E2F3: variants seen among roughly 807,000 people sequenced by gnomAD.
E2F3 encodes E2F transcription factor 3.
Under a neutral mutation model 44.4 loss-of-function variants are expected in E2F3, and 11 were observed. That is an observed-to-expected ratio of 0.25 (90% CI 0.16 to 0.41). E2F3 has a LOEUF of 0.41. E2F3 is among the 10% of genes least tolerant of loss of function. E2F3 has a pLI of 1.00. For missense variants in E2F3, 487 were observed against 583.6 expected, an observed-to-expected ratio of 0.83 and a Z score of 1.70; for synonymous variants, 249 against 253.0, an observed-to-expected ratio of 0.98 and a Z score of 0.15.
At chr6:20,465,684 G>C (rs1475139216) in intron 1 of E2F3, among the ~76,000 whole-genome samples, 1 of 152,176 alleles carries the variant, frequency 6.6e-6, no homozygotes, top group Admixed American at 6.5e-5. Context: ...CCACCTATGA[G>C]TGAGAACATA....
At chr6:20,436,228 G>A (rs771787315) in intron 1 of E2F3, among the ~76,000 whole-genome samples, 161 of 152,092 alleles carry the variant, frequency 1.1e-3, no homozygotes, top group Non-Finnish European at 1.8e-3. Context: ...TGATCCACCT[G>A]CCTCGGCCTC....
intron 1 of E2F3, among the ~76,000 whole-genome samples, chr6:20,444,347 C>T (rs1188623985): frequency 2.0e-5 from 3 of 152,158 alleles, no homozygotes; most frequent in Non-Finnish European, 4.4e-5. Flanking sequence ...ATTAGCTACT[C>T]ATGATTCGCA....
At chr6:20,466,202 T>C (rs188021619) in intron 1 of E2F3, among the ~76,000 whole-genome samples, 91 of 152,164 alleles carry the variant, frequency 6.0e-4, no homozygotes, top group African/African-American at 2.0e-3. Flanking sequence ...AATCTCCACC[T>C]CCTAGGTTCA....
chr6:20,446,682 C>CA (rs1760956245), intron 1 of E2F3, among the ~76,000 whole-genome samples: 2 of 152,220 alleles, frequency 1.3e-5, no homozygotes, highest in Admixed American at 1.3e-4. Context: ...TCTCCTGCCT[C>CA]AGCCTCCCGA....
intron 1 of E2F3, among the ~76,000 whole-genome samples, chr6:20,413,366 G>A (rs1759738021): frequency 6.6e-6 from 1 of 152,190 alleles, no homozygotes; most frequent in Admixed American, 6.5e-5. Flanking sequence ...AAACTAGATT[G>A]TCCAGGTGAA....
chr6:20,471,516 G>T (rs150631300), intron 1 of E2F3, among the ~76,000 whole-genome samples: 4 of 152,174 alleles, frequency 2.6e-5, no homozygotes, highest in Non-Finnish European at 5.9e-5. Context: ...AGGAGGCAGA[G>T]GTTGCAGTGA....
intron 1 of E2F3, among the ~76,000 whole-genome samples, chr6:20,470,122 C>T (rs1761842052): frequency 6.6e-6 from 1 of 152,222 alleles, no homozygotes; most frequent in Non-Finnish European, 1.5e-5. Context: ...ACTCCTCTGA[C>T]TTCACTCCCT....
At chr6:20,408,924 G>C (rs1759577303) in intron 1 of E2F3, among the ~76,000 whole-genome samples, 1 of 152,176 alleles carries the variant, frequency 6.6e-6, no homozygotes, top group African/African-American at 2.4e-5. Context: ...ATTTACACTG[G>C]TCTTGGAATC....
At chr6:20,482,972 C>G (rs983273054) in intron 4 of E2F3, 52 bp downstream of exon 4, 2 of 1,609,048 alleles carry the variant, frequency 1.2e-6, no homozygotes, top group East Asian at 4.5e-5. Flanking sequence ...TAGACTATTT[C>G]CAGAGTTGAC....
intron 1 of E2F3, among the ~76,000 whole-genome samples, chr6:20,406,575 T>C (rs1759500463): frequency 6.6e-6 from 1 of 152,196 alleles, no homozygotes; most frequent in African/African-American, 2.4e-5. Flanking sequence ...ATATAAAACA[T>C]GGCCATCCTA....
chr6:20,453,048 G>A (rs1173653153), intron 1 of E2F3, among the ~76,000 whole-genome samples: 2 of 151,800 alleles, frequency 1.3e-5, no homozygotes, highest in Non-Finnish European at 2.9e-5. Flanking sequence ...ATTCCTGTAC[G>A]TGATTTACTC....
At chr6:20,417,957 C>T (rs1759902603) in intron 1 of E2F3, among the ~76,000 whole-genome samples, 1 of 152,048 alleles carries the variant, frequency 6.6e-6, no homozygotes, top group South Asian at 2.1e-4. Flanking sequence ...TTTAAGTTTG[C>T]CATTTGTGGT....
At position 20,490,528 on chromosome 6, in the gene E2F3, C is replaced by A; in HGVS notation, c.*98C>A. 1 of 1,237,864 alleles carries A rather than the reference C, an allele frequency of 8.1e-7. No individual in the cohort carries two copies. Among genetic ancestry groups the A allele is most frequent in the Non-Finnish European group, 1.1e-6 (1 of 916,148 alleles). The allele number at this position is 1,237,864 out of a possible 1,614,324, so 76.7% of individuals were successfully genotyped here. A position where few individuals can be genotyped will look rare whatever the true frequency, so the allele number is the denominator to read the frequency against. On this transcript the variant is annotated 3_prime_UTR_variant, in exon 7 of 7. Coordinates refer to ENST00000346618, the MANE Select transcript of E2F3 (RefSeq NM_001949.5). The surrounding 1 kb of genome is among the most constrained non-coding windows in gnomAD (Gnocchi z 4.3). ...GTTGTCCCTTCCTACCTTCTTCCTCCAAGAGAGTATCATGAAGTAAACTAC... is the reference window on the plus strand; with the variant it reads ...GTTGTCCCTTCCTACCTTCTTCCTCAAAGAGAGTATCATGAAGTAAACTAC...
Position 20,491,089 on chromosome 6 carries a change from A to G in E2F3, c.*659A>G, listed in dbSNP as rs1189231870. On this transcript the variant is annotated 3_prime_UTR_variant, in exon 7 of 7. Transcript: ENST00000346618. ...TTTCAAATATACTTGTTGCAGATAC[A>G]GAAGACTAGTAGAGTTCTGCCACTC... 5 of 231,096 alleles carry G rather than the reference A, an allele frequency of 2.2e-5. No individual in the cohort carries two copies. Among genetic ancestry groups the G allele is most frequent in the South Asian group, 3.6e-4 (2 of 5,512 alleles). 14.3% of individuals were successfully genotyped at this position (231,096 alleles called of 1,614,324 possible).
rs200738067 is a variant in E2F3 at position 20,402,501 on chromosome 6, G to C, written c.269G>C (p.Gly90Ala). 1.2e-3 allele frequency: 1,887 copies of C among 1,605,020 alleles called. 4 individuals carry two copies. Among genetic ancestry groups the C allele is most frequent in the Non-Finnish European group, 1.2e-3 (1,394 of 1,178,924 alleles). ...GGCCCCCTCCTCCCCAGTGCCCCCG[G>C]CGCGGAGCAGACCGCCGGCAGCCTC... ...AAGPLLPSAP[G>A]AEQTAGSLLY... is the part of the protein sequence containing the mutation. Residue 90 changes from glycine (G) to alanine (A), a missense_variant, in exon 1 of 7, where the codon GGC (glycine) becomes GCC (alanine). By Grantham distance (60) the Gly-to-Ala change is moderately conservative (BLOSUM62 0). This residue lies in a region of E2F3 where 238 missense variants were observed against 236.0 expected (regional missense o/e 1.01). Coordinates refer to ENST00000346618, the MANE Select transcript of E2F3 (RefSeq NM_001949.5). The surrounding 1 kb of genome is among the most constrained non-coding windows in gnomAD (Gnocchi z 5.6).
chr6:20,453,405 T>TTTTGTC (rs1761198691), intron 1 of E2F3, among the ~76,000 whole-genome samples: 1 of 151,292 alleles, frequency 6.6e-6, no homozygotes, highest in Admixed American at 6.6e-5. Flanking sequence ...GATTCAAGTT[T>TTTTGTC]TTTGTTTTTG....
At chr6:20,406,005 A>G (rs953708867) in intron 1 of E2F3, among the ~76,000 whole-genome samples, 3 of 152,146 alleles carry the variant, frequency 2.0e-5, no homozygotes, top group African/African-American at 7.2e-5. Flanking sequence ...GAAAGACAGG[A>G]TGGGGAAAGC....
intron 1 of E2F3, among the ~76,000 whole-genome samples, chr6:20,424,635 C>A (rs1030272278): frequency 1.3e-5 from 2 of 151,644 alleles, no homozygotes; most frequent in African/African-American, 4.8e-5. Flanking sequence ...TTCATGCTTA[C>A]TTGCATTTTT....
At position 20,402,287 on chromosome 6, in the gene E2F3, G is replaced by T; in HGVS notation, c.55G>T (p.Gly19Trp). Residue 19 changes from glycine to tryptophan, a missense_variant, in exon 1 of 7, where the codon GGG (glycine) becomes TGG (tryptophan). Coordinates refer to ENST00000346618, the MANE Select transcript of E2F3 (RefSeq NM_001949.5). The surrounding 1 kb of genome is among the most constrained non-coding windows in gnomAD (Gnocchi z 5.6). ...GCAGTACCTGGTGACCGCCGGGGGT[G>T]GGGAGGGGGCGGCTGTCGTCGCCGC... ...LEQYLVTAGGGEGAAVVAAAA... is the reference protein window; with the variant it reads ...LEQYLVTAGGWEGAAVVAAAA... 2 of 1,609,330 alleles carry T rather than the reference G, an allele frequency of 1.2e-6. No homozygotes were observed. The highest frequency in any genetic ancestry group is 8.5e-7 in the Non-Finnish European group (1 of 1,178,862).
Sources: allele counts gnomAD v4.1 joint callset (sites outside exome capture counted in the v4.1 genomes callset), GRCh38; gene constraint gnomAD v4.1.1; regional missense constraint gnomAD v4.1.1; non-coding constraint Gnocchi (gnomAD v3.1); transcripts MANE v1.5; gene names NCBI Gene and HGNC (gene_info 2026-07-23, HGNC 2026-07-21).